Variants in CDH9 observed in about 807,000 individuals in gnomAD.
CDH9 encodes the protein cadherin-9.
Under a neutral mutation model 70.9 loss-of-function variants are expected in CDH9, and 28 were observed. The ratio of observed to expected loss-of-function variants is 0.40; its 90% CI spans 0.29 to 0.54. The LOEUF (loss-of-function observed/expected upper bound fraction) is 0.54, where lower values mean the gene tolerates loss of function less well. Ranked by LOEUF, CDH9 falls within the 20% of genes least tolerant of loss-of-function variation. CDH9 has a pLI of 0.59. For missense variants in CDH9, 874 were observed against 984.4 expected, an observed-to-expected ratio of 0.89 and a Z score of 1.50; for synonymous variants, 409 against 343.1, an observed-to-expected ratio of 1.19 and a Z score of -2.12.
intron 2 of CDH9, among the ~76,000 whole-genome samples, chr5:26,949,802 C>T (rs560594644): frequency 6.6e-6 from 1 of 152,176 alleles, no homozygotes; most frequent in East Asian, 1.9e-4. Flanking sequence ...AGGAGACTTC[C>T]CATGGCTGGA....
intron 3 of CDH9, among the ~76,000 whole-genome samples, chr5:26,911,064 A>G (rs1741044408): frequency 1.3e-5 from 2 of 152,230 alleles, no homozygotes; most frequent in African/African-American, 2.4e-5. Flanking sequence ...GGCAGAGTCC[A>G]TATCTAGTTT....
intron 2 of CDH9, 123 bp downstream of exon 2, chr5:26,987,983 C>T: frequency 1.5e-6 from 1 of 686,834 alleles, no homozygotes; most frequent in Non-Finnish European, 2.4e-6. Flanking sequence ...TTTGCAATAT[C>T]ACACCTTCAG....
At chr5:26,886,982 G>C (rs771634147) in intron 9 of CDH9, among the ~76,000 whole-genome samples, 1 of 152,086 alleles carries the variant, frequency 6.6e-6, no homozygotes, top group African/African-American at 2.4e-5. Context: ...ACATTGTGTG[G>C]TGAAAAGTTA....
chr5:27,000,021 A>G (rs1164288974), intron 1 of CDH9, among the ~76,000 whole-genome samples: 1 of 152,174 alleles, frequency 6.6e-6, no homozygotes. Context: ...GATTCATTAA[A>G]AAAATGATAA....
At chr5:26,970,160 A>G (rs1742194429) in intron 2 of CDH9, among the ~76,000 whole-genome samples, 1 of 151,646 alleles carries the variant, frequency 6.6e-6, no homozygotes, top group African/African-American at 2.4e-5. Flanking sequence ...GTTAATGAAT[A>G]TAATTAAAAT....
intron 2 of CDH9, among the ~76,000 whole-genome samples, chr5:26,974,841 T>C (rs1742278749): frequency 6.6e-6 from 1 of 152,068 alleles, no homozygotes; most frequent in East Asian, 1.9e-4. Flanking sequence ...TGCGTGTGTG[T>C]TGAGAAAACA....
chr5:26,981,697 C>A (rs1446834445), intron 2 of CDH9, among the ~76,000 whole-genome samples: 1 of 151,790 alleles, frequency 6.6e-6, no homozygotes, highest in Non-Finnish European at 1.5e-5. Context: ...TATGACATGG[C>A]TAATACTAAC....
chr5:26,938,160 C>A (rs181247051), intron 2 of CDH9, among the ~76,000 whole-genome samples: 4 of 150,194 alleles, frequency 2.7e-5, no homozygotes, highest in Admixed American at 2.7e-4. Flanking sequence ...AAATAAAAAT[C>A]TATTAATTCA....
At chr5:26,960,313 G>A (rs2112059368) in intron 2 of CDH9, among the ~76,000 whole-genome samples, 1 of 151,984 alleles carries the variant, frequency 6.6e-6, no homozygotes, top group African/African-American at 2.4e-5. Flanking sequence ...TGAATTAAAT[G>A]CGTAGATAAA....
At chr5:26,922,182 C>A (rs930869869) in intron 2 of CDH9, among the ~76,000 whole-genome samples, 2 of 149,834 alleles carry the variant, frequency 1.3e-5, no homozygotes, top group South Asian at 4.3e-4. Context: ...GAAATAATAA[C>A]AGAGAACTTC....
At chr5:26,938,038 T>C (rs1741591225) in intron 2 of CDH9, among the ~76,000 whole-genome samples, 1 of 152,060 alleles carries the variant, frequency 6.6e-6, no homozygotes, top group Non-Finnish European at 1.5e-5. Context: ...ACCATGATAA[T>C]GAAAGGTATT....
At chr5:26,890,324 T>TG in intron 8 of CDH9, 104 bp downstream of exon 8, 1 of 861,982 alleles carries the variant, frequency 1.2e-6, no homozygotes, top group Non-Finnish European at 1.9e-6. Flanking sequence ...AAGATCTTGC[T>TG]AAGGATACAA....
intron 1 of CDH9, among the ~76,000 whole-genome samples, chr5:27,001,662 T>A (rs1160438059): frequency 6.6e-6 from 1 of 152,138 alleles, no homozygotes; most frequent in African/African-American, 2.4e-5. Flanking sequence ...CTAAAAGCAA[T>A]GTCATCCAGT....
intron 7 of CDH9, among the ~76,000 whole-genome samples, chr5:26,900,880 G>T (rs1324048171): frequency 6.6e-6 from 1 of 151,902 alleles, no homozygotes; most frequent in East Asian, 1.9e-4. Flanking sequence ...CCAACCCCTT[G>T]TCCTTTAAAA....
chr5:26,944,654 A>G (rs927543271), intron 2 of CDH9, among the ~76,000 whole-genome samples: 2 of 152,210 alleles, frequency 1.3e-5, no homozygotes, highest in Admixed American at 1.3e-4. Flanking sequence ...GTCTCACAAA[A>G]TAAATAGATA....
intron 1 of CDH9, among the ~76,000 whole-genome samples, chr5:27,032,094 A>G (rs1028510257): frequency 1.3e-5 from 2 of 151,832 alleles, no homozygotes; most frequent in Non-Finnish European, 2.9e-5. Context: ...AGCTGTCTAT[A>G]TATAGAGATA....
At chr5:27,037,926 T>C (rs905973142) in intron 1 of CDH9, among the ~76,000 whole-genome samples, 2 of 151,996 alleles carry the variant, frequency 1.3e-5, no homozygotes, top group African/African-American at 2.4e-5. Flanking sequence ...TATGCATCTG[T>C]GGCATTTTTA....
chr5:27,036,457 TC>T (rs1173822395), intron 1 of CDH9, among the ~76,000 whole-genome samples: 2 of 151,940 alleles, frequency 1.3e-5, no homozygotes, highest in African/African-American at 4.8e-5. Flanking sequence ...CATTTTTATT[TC>T]CTTCATGCAA....
intron 2 of CDH9, among the ~76,000 whole-genome samples, chr5:26,972,183 G>C (rs1742231338): frequency 6.6e-6 from 1 of 152,120 alleles, no homozygotes; most frequent in East Asian, 1.9e-4. Flanking sequence ...TTTCAAAGGG[G>C]AAAAGGAAAC....
Sources: allele counts gnomAD v4.1 joint callset (sites outside exome capture counted in the v4.1 genomes callset), GRCh38; gene constraint gnomAD v4.1.1; transcripts MANE v1.5; gene names NCBI Gene and HGNC (gene_info 2026-07-23, HGNC 2026-07-21).